PTGER4: variants seen among roughly 807,000 people sequenced by gnomAD.
The protein encoded by PTGER4 is prostaglandin E receptor 4, also known as prostaglandin E2 receptor EP4 subtype.
In PTGER4, 11 loss-of-function variants were observed where a neutral mutation model predicts 33.2. That is an observed-to-expected ratio of 0.33 (90% CI 0.21 to 0.55). PTGER4 has a LOEUF of 0.55. Among genes scored for constraint, PTGER4 ranks in the 20% least tolerant of loss-of-function variants. The pLI is 0.92. For missense variants in PTGER4, 481 were observed against 650.2 expected, an observed-to-expected ratio of 0.74 and a Z score of 2.83; for synonymous variants, 275 against 281.5, an observed-to-expected ratio of 0.98 and a Z score of 0.23.
At chr5:40,722,254 T>G in the PTGER4 span, among the ~76,000 whole-genome samples, 1 of 151,214 alleles carries the variant, frequency 6.6e-6, no homozygotes, top group African/African-American at 2.4e-5. Flanking sequence ...CTCGGCTCGC[T>G]GCAACCTCCA....
the PTGER4 span, among the ~76,000 whole-genome samples, chr5:40,712,204 C>T: frequency 6.6e-6 from 1 of 152,036 alleles, no homozygotes; most frequent in Non-Finnish European, 1.5e-5. Context: ...TTTTAAATAT[C>T]CTGAACAAAT....
downstream of PTGER4, among the ~76,000 whole-genome samples, chr5:40,698,221 T>C (rs747954495): frequency 7.3e-5 from 11 of 150,120 alleles, no homozygotes; most frequent in Non-Finnish European, 1.6e-4. Flanking sequence ...GAGGTTACAG[T>C]GAGCTAAGAT....
At chr5:40,730,193 T>A in the PTGER4 span, 2 of 1,208,528 alleles carry the variant, frequency 1.7e-6, no homozygotes, top group Middle Eastern at 4.1e-4. Flanking sequence ...TTTTGCTTCA[T>A]CATTGCTCAC....
downstream of PTGER4, among the ~76,000 whole-genome samples, chr5:40,697,126 A>AAAGG (rs202220909): frequency 1.5e-5 from 2 of 135,440 alleles, no homozygotes; most frequent in Non-Finnish European, 3.3e-5. Context: ...AAAAAGAAAG[A>AAAGG]AAGGAAGGAA....
rs1027019605 is a variant in PTGER4, at chr5:40,681,003, C to G, written c.10C>G (p.Pro4Ala). ...ACCGCCAGCCACTATCATGTCCACTCCCGGGGTCAATTCGTCCGCCTCCTT... is the reference window on the plus strand; with the variant it reads ...ACCGCCAGCCACTATCATGTCCACTGCCGGGGTCAATTCGTCCGCCTCCTT... The part of the protein sequence containing the change: MST[P>A]GVNSSASLSP... The change falls in exon 2 of 3, where the codon CCC becomes GCC. Residue 4 changes from proline to alanine, a missense_variant. By Grantham distance (27) the Pro-to-Ala change is conservative. Around this residue, in one of 7 missense-constraint regions of PTGER4, gnomAD observed 26 missense variants for 21.0 expected, o/e 1.24. Transcript: ENST00000302472. The surrounding 1 kb of genome is among the most constrained non-coding windows in gnomAD (Gnocchi z 9.8). 6 of 1,611,176 alleles carry G rather than the reference C, an allele frequency of 3.7e-6. No individual in the cohort carries two copies. Among genetic ancestry groups the G allele is most frequent in the South Asian group, 2.2e-5 (2 of 90,576 alleles).
At chr5:40,689,768 T>C (rs1324402029) in intron 2 of PTGER4, among the ~76,000 whole-genome samples, 4 of 152,190 alleles carry the variant, frequency 2.6e-5, no homozygotes, top group Non-Finnish European at 4.4e-5. Flanking sequence ...TTGTTAGTTC[T>C]TTCTCCTTTT....
the PTGER4 span, among the ~76,000 whole-genome samples, chr5:40,702,551 A>AGACAATAATAGTGAGG: frequency 6.6e-6 from 1 of 152,252 alleles, no homozygotes; most frequent in South Asian, 2.1e-4. Context: ...CATAGATTCC[A>AGACAATAATAGTGAGG]GACAATAATA....
chr5:40,722,195 ACT>A, the PTGER4 span, among the ~76,000 whole-genome samples: 2 of 151,208 alleles, frequency 1.3e-5, no homozygotes, highest in Non-Finnish European at 2.9e-5. Context: ...ACAGAGGGAG[ACT>A]CTGTCTCAAC....
chr5:40,709,611 A>T, the PTGER4 span, among the ~76,000 whole-genome samples: 2 of 152,228 alleles, frequency 1.3e-5, no homozygotes, highest in African/African-American at 4.8e-5. Context: ...ATACTGCCCA[A>T]GGTAATTTAT....
chr5:40,692,629 C>CCTACCCTCCGTTTTT lies in PTGER4; in HGVS notation c.*256_*270dup, dbSNP rs1741503866. 3.3e-6 allele frequency: 4 copies of CCTACCCTCCGTTTTT among 1,216,426 alleles called. No homozygotes were observed. The highest frequency in any genetic ancestry group is 2.6e-5 in the South Asian group (1 of 38,126). 75.4% of individuals were successfully genotyped at this position (1,216,426 alleles called of 1,614,324 possible). A position where few individuals can be genotyped will look rare whatever the true frequency, so the allele number is the denominator to read the frequency against. ...GGTCACAACTTGATGGCTGCGAAGA[C>CCTACCCTCCGTTTTT]CTACCCTCCGTTTTTCTACTAGATA... On this transcript the variant is annotated 3_prime_UTR_variant, in exon 3 of 3. Transcript: ENST00000302472.
Position 40,692,535 on chromosome 5 carries a change from C to G in PTGER4, c.*157C>G. ...GGCTTTTGAGCACTTTTCAAACAAT[C>G]AAGTTGACTCACGTGGGTCCTGAGG... On this transcript the variant is annotated 3_prime_UTR_variant, in exon 3 of 3. Coordinates refer to ENST00000302472, the MANE Select transcript of PTGER4 (RefSeq NM_000958.3). 7.0e-7 allele frequency: 1 copy of G among 1,434,146 alleles called. No homozygotes were observed. The highest frequency in any genetic ancestry group is 1.5e-5 in the South Asian group (1 of 65,636). 88.8% of individuals were successfully genotyped at this position (1,434,146 alleles called of 1,614,324 possible). A position where few individuals can be genotyped will look rare whatever the true frequency, so the allele number is the denominator to read the frequency against.
rs1741526761 is a variant in PTGER4, at chr5:40,693,730, A to T, written c.*1352A>T. On this transcript the variant is annotated 3_prime_UTR_variant, in exon 3 of 3. Transcript: ENST00000302472. ...TTTGGAGATTATAATAAATATATACATTCAATCTGAGTTGCATATCCTCAG... is the reference window on the plus strand; with the variant it reads ...TTTGGAGATTATAATAAATATATACTTTCAATCTGAGTTGCATATCCTCAG... 1 of 979,132 alleles carries T rather than the reference A, an allele frequency of 1.0e-6. No individual in the cohort carries two copies. Among genetic ancestry groups the T allele is most frequent in the Non-Finnish European group, 1.2e-6 (1 of 823,794 alleles). 60.7% of individuals were successfully genotyped at this position (979,132 alleles called of 1,614,324 possible).
At chr5:40,697,119 AAG>A (rs1431730829), downstream of PTGER4, among the ~76,000 whole-genome samples, 7 of 80,808 alleles carry the variant, frequency 8.7e-5, no homozygotes, top group South Asian at 3.8e-4. Flanking sequence ...GGAAAGAAAA[AAG>A]AAAGAAAGGA....
the PTGER4 span, among the ~76,000 whole-genome samples, chr5:40,741,031 C>T: frequency 1.3e-5 from 2 of 152,134 alleles, no homozygotes; most frequent in Admixed American, 6.5e-5. Flanking sequence ...CTGTCCACTA[C>T]TTCCATCATC....
rs950483555 is a variant in PTGER4 at position 40,692,344 on chromosome 5, G to A, written c.1433G>A (p.Ser478Asn). The part of the protein sequence containing the change: ...KGSSLQVTFP[S>N]ETLNLSEKCI ...AGCTCCCTGCAAGTCACATTTCCCAGTGAAACACTGAACTTATCAGAAAAA... is the reference window on the plus strand; with the variant it reads ...AGCTCCCTGCAAGTCACATTTCCCAATGAAACACTGAACTTATCAGAAAAA... Residue 478 changes from serine (S) to asparagine (N), a missense_variant, in exon 3 of 3, where the codon AGT becomes AAT. Transcript: ENST00000302472. 6.2e-7 allele frequency: 1 copy of A among 1,606,538 alleles called. No homozygotes were observed. Among genetic ancestry groups the A allele is most frequent in the African/African-American group, 1.3e-5 (1 of 74,534 alleles).
chr5:40,705,165 A>G, the PTGER4 span, among the ~76,000 whole-genome samples: 1 of 152,190 alleles, frequency 6.6e-6, no homozygotes, highest in Non-Finnish European at 1.5e-5. Context: ...CCCAGAAATA[A>G]GGCCACACAT....
rs1225566070 is a variant in PTGER4, at chr5:40,681,740, G to A, written c.747G>A (p.Pro249=). The A allele has an allele frequency of 6.3e-7, 1 of 1,596,318 alleles. No homozygotes were observed. The highest frequency in any genetic ancestry group is 8.5e-7 in the Non-Finnish European group (1 of 1,175,944). ...RGHPAASPAL[P]RLSDFRRRRS... is the part of the protein sequence containing the mutation. ...ACCCCGCTGCCTCCCCAGCCTTGCC[G>A]CGCCTCAGCGACTTTCGGCGCCGCC... Residue 249 remains proline, a synonymous_variant, in exon 2 of 3, where the codon CCG becomes CCA. Transcript: ENST00000302472. The surrounding 1 kb of genome is among the most constrained non-coding windows in gnomAD (Gnocchi z 9.8).
rs750795522 is a variant in PTGER4, at chr5:40,683,171, T to C, written c.867+1311T>C. On this transcript the variant is annotated intron_variant, in intron 2 of 2. Coordinates refer to ENST00000302472, the MANE Select transcript of PTGER4 (RefSeq NM_000958.3). This position sits in a 1 kb window ranked among gnomAD's most constrained non-coding sequence, Gnocchi z 4.2. ...TTGTTGGGAACAAGAGAATATAAAA[T>C]GTAATGGGCTATTATTCCTTCCTTT... Among the ~76,000 whole-genome samples the C allele has an allele frequency of 7.2e-5, 11 of 152,194 alleles. No individual in the cohort carries two copies. The highest frequency in any genetic ancestry group is 1.3e-4 in the Non-Finnish European group (9 of 68,028).
At chr5:40,694,498 C>G (rs886436580), downstream of PTGER4, among the ~76,000 whole-genome samples, 1 of 152,184 alleles carries the variant, frequency 6.6e-6, no homozygotes, top group Admixed American at 6.5e-5. Context: ...GCTGGCAGTC[C>G]AAGACCAAGG....
Sources: allele counts gnomAD v4.1 joint callset (sites outside exome capture counted in the v4.1 genomes callset), GRCh38; gene constraint gnomAD v4.1.1; regional missense constraint gnomAD v4.1.1; non-coding constraint Gnocchi (gnomAD v3.1); transcripts MANE v1.5; gene names NCBI Gene and HGNC (gene_info 2026-07-23, HGNC 2026-07-21).